UNC13C: variants seen among roughly 807,000 people sequenced by gnomAD.
UNC13C encodes protein unc-13 homolog C.
UNC13C carries 174 observed loss-of-function variants against 245.4 expected under a neutral mutation model. The observed-to-expected ratio is 0.71, with a 90% confidence interval of 0.63 to 0.80. The LOEUF is 0.80. Ranked by LOEUF, UNC13C falls within the 30% of genes least tolerant of loss-of-function variation. UNC13C has a pLI of 0.00. For missense variants in UNC13C, 2,829 were observed against 2,602.9 expected, an observed-to-expected ratio of 1.09 and a Z score of -1.89; for synonymous variants, 992 against 895.1, an observed-to-expected ratio of 1.11 and a Z score of -1.93.
intron 4 of UNC13C, among the ~76,000 whole-genome samples, chr15:54,168,932 A>C (rs1167181711): frequency 6.6e-6 from 1 of 152,240 alleles, no homozygotes; most frequent in Non-Finnish European, 1.5e-5. Context: ...AGTGATTAAT[A>C]AAATGGAAAA....
At chr15:54,304,836 A>G (rs1178870601) in intron 13 of UNC13C, among the ~76,000 whole-genome samples, 1 of 152,060 alleles carries the variant, frequency 6.6e-6, no homozygotes, top group Non-Finnish European at 1.5e-5. Context: ...ATTACTACCA[A>G]CATAGATACA....
intron 30 of UNC13C, among the ~76,000 whole-genome samples, chr15:54,594,764 A>G (rs1288208509): frequency 6.6e-6 from 1 of 152,176 alleles, no homozygotes; most frequent in East Asian, 1.9e-4. Flanking sequence ...TTCCAGGTTC[A>G]GCTTCCACAG....
At chr15:54,206,835 A>G (rs1191631595) in intron 4 of UNC13C, among the ~76,000 whole-genome samples, 1 of 152,114 alleles carries the variant, frequency 6.6e-6, no homozygotes, top group Non-Finnish European at 1.5e-5. Flanking sequence ...ACTGTACGTC[A>G]ACAGCTCTTG....
chr15:54,613,436 A>C (rs1365478782), intron 30 of UNC13C, among the ~76,000 whole-genome samples: 1 of 151,952 alleles, frequency 6.6e-6, no homozygotes, highest in Non-Finnish European at 1.5e-5. Flanking sequence ...GTTTAAAATA[A>C]GTGAATTACA....
At position 54,622,371 on chromosome 15, in the gene UNC13C, G is replaced by T. The variant is rs1468492412; in HGVS notation, c.6151G>T (p.Asp2051Tyr). 6.2e-7 allele frequency: 1 copy of T among 1,613,148 alleles called. No individual in the cohort carries two copies. The highest frequency in any genetic ancestry group is 8.5e-7 in the Non-Finnish European group (1 of 1,179,472). The change falls in exon 31 of 33, where the codon GAC (aspartate) becomes TAC (tyrosine). Residue 2051 changes from aspartate to tyrosine, a missense_variant. Transcript: ENST00000260323. ...DAVGQISVHV[D>Y]ITATPGTGDH... is the part of the protein sequence containing the mutation. Reference sequence around the variant, plus strand: ...CGTGGGTCAGATATCTGTTCATGTGGACATCACTGCCACCCCAGGAACGGG... The same window carrying T: ...CGTGGGTCAGATATCTGTTCATGTGTACATCACTGCCACCCCAGGAACGGG...
intron 19 of UNC13C, among the ~76,000 whole-genome samples, chr15:54,420,551 A>G (rs1035127644): frequency 6.6e-6 from 1 of 152,120 alleles, no homozygotes; most frequent in African/African-American, 2.4e-5. Context: ...TACAGGTGTC[A>G]TCTTGAAGGC....
chr15:54,373,660 C>G lies in UNC13C; in HGVS notation c.4714-19388C>G, dbSNP rs867490406. 1.2e-4 allele frequency among the ~76,000 whole-genome samples: 19 copies of G among 152,328 alleles called. No homozygotes were observed. In the Middle Eastern group the frequency reaches 0.01, roughly 82 times the overall value. On this transcript the variant is annotated intron_variant, in intron 17 of 32. Transcript: ENST00000260323. ...GAGTCCCAAAGAAGGTGTCACAGCCCTGGCTTGGGAGCTTCTAGTCTGGGT... is the reference window on the plus strand; with the variant it reads ...GAGTCCCAAAGAAGGTGTCACAGCCGTGGCTTGGGAGCTTCTAGTCTGGGT...
chr15:54,500,458 G>C (rs1341982467), intron 21 of UNC13C, among the ~76,000 whole-genome samples: 6 of 150,786 alleles, frequency 4.0e-5, no homozygotes, highest in Non-Finnish European at 8.8e-5. Flanking sequence ...AAACATCTTT[G>C]TTGTCCTGGA....
At chr15:54,225,419 A>G (rs971196818) in intron 4 of UNC13C, among the ~76,000 whole-genome samples, 5 of 152,152 alleles carry the variant, frequency 3.3e-5, no homozygotes, top group Admixed American at 2.0e-4. Context: ...CATTTTCACA[A>G]TATTCATTCT....
intron 26 of UNC13C, among the ~76,000 whole-genome samples, chr15:54,538,854 G>A (rs535601612): frequency 1.3e-5 from 2 of 152,116 alleles, no homozygotes; most frequent in South Asian, 2.1e-4. Context: ...TAAGAGTGGA[G>A]GGCGGGAGGA....
intron 2 of UNC13C, among the ~76,000 whole-genome samples, chr15:54,121,959 A>G (rs542943834): frequency 1.3e-5 from 2 of 152,054 alleles, no homozygotes; most frequent in Non-Finnish European, 2.9e-5. Context: ...AAATATGGGC[A>G]TAGTGTTAAG....
intron 29 of UNC13C, among the ~76,000 whole-genome samples, chr15:54,563,491 C>T (rs1354028928): frequency 6.6e-6 from 1 of 151,960 alleles, no homozygotes; most frequent in Admixed American, 6.6e-5. Flanking sequence ...AGTAAAACAT[C>T]TGAACAAATC....
At chr15:54,321,708 C>T in intron 13 of UNC13C, 1 of 462,422 alleles carries the variant, frequency 2.2e-6, no homozygotes, top group Non-Finnish European at 3.8e-6. Flanking sequence ...GCTTTCTCGG[C>T]AGCGTCCATG....
At chr15:54,230,430 A>G (rs1311073789) in intron 4 of UNC13C, among the ~76,000 whole-genome samples, 1 of 151,272 alleles carries the variant, frequency 6.6e-6, no homozygotes, top group Non-Finnish European at 1.5e-5. Context: ...CAATCTGTAT[A>G]TATTCAATAT....
chr15:54,413,330 A>G (rs1187864135), intron 18 of UNC13C, among the ~76,000 whole-genome samples: 7 of 152,078 alleles, frequency 4.6e-5, no homozygotes, highest in Non-Finnish European at 7.4e-5. Context: ...AAATTAAAAT[A>G]GCTAAGCAAT....
At chr15:54,193,106 A>G (rs1477982032) in intron 4 of UNC13C, among the ~76,000 whole-genome samples, 2 of 152,316 alleles carry the variant, frequency 1.3e-5, no homozygotes, top group African/African-American at 4.8e-5. Context: ...GGCTTCAGGT[A>G]TTCACAAAGT....
intron 30 of UNC13C, among the ~76,000 whole-genome samples, chr15:54,608,845 C>T (rs1367925667): frequency 1.3e-5 from 2 of 152,122 alleles, no homozygotes; most frequent in Admixed American, 1.3e-4. Flanking sequence ...GCTATACTGT[C>T]CTTGCTGAAT....
rs563315903 is a variant in UNC13C at position 54,524,665 on chromosome 15, C to T, written c.5458-884C>T. On this transcript the variant is annotated intron_variant, in intron 24 of 32. Transcript: ENST00000260323. ...TACTTCTTGGTTCTGTATCGGCTCCCAGGAGTTTAAACTGATATTAGGTCC... is the reference window on the plus strand; with the variant it reads ...TACTTCTTGGTTCTGTATCGGCTCCTAGGAGTTTAAACTGATATTAGGTCC... Among the ~76,000 whole-genome samples the T allele has an allele frequency of 4.6e-5, 7 of 152,236 alleles. No individual in the cohort carries two copies. In the East Asian group the frequency reaches 1.4e-3, roughly 29 times the overall value.
intron 30 of UNC13C, among the ~76,000 whole-genome samples, chr15:54,594,269 G>A (rs1898949552): frequency 1.3e-5 from 2 of 152,128 alleles, no homozygotes; most frequent in African/African-American, 2.4e-5. Context: ...CTTAGCTTTG[G>A]TGGCTGAAAG....
Sources: gnomAD v4.1 joint callset for allele counts (sites outside exome capture counted in the v4.1 genomes callset) on GRCh38, gnomAD v4.1.1 for gene constraint, MANE v1.5 for transcripts, NCBI Gene and HGNC (gene_info 2026-07-23, HGNC 2026-07-21) for gene names.